Variants in PREX2 observed in about 807,000 individuals in gnomAD.
PREX2 encodes phosphatidylinositol-3,4,5-trisphosphate dependent Rac exchange factor 2.
A neutral mutation model predicts 203.2 loss-of-function variants in PREX2; 107 were observed. The ratio of observed to expected loss-of-function variants is 0.53; its 90% CI spans 0.45 to 0.62. PREX2 has a LOEUF of 0.62. Ranked by LOEUF, PREX2 falls within the 20% of genes least tolerant of loss-of-function variation. The probability of loss-of-function intolerance (pLI) is 0.00; values close to 1 mark genes in which losing one functional copy is unlikely to be tolerated. For synonymous variants in PREX2, 672 were observed against 663.6 expected, an observed-to-expected ratio of 1.01 and a Z score of -0.19; for missense variants, 1,777 against 1,955.9, an observed-to-expected ratio of 0.91 and a Z score of 1.72.
At chr8:68,088,014 A>G (rs1809753354) in intron 19 of PREX2, among the ~76,000 whole-genome samples, 1 of 152,200 alleles carries the variant, frequency 6.6e-6, no homozygotes, top group African/African-American at 2.4e-5. Context: ...TAAAAAATTG[A>G]TATAAGAATT....
chr8:68,022,182 GCTAGAT>G (rs746605486), intron 4 of PREX2, 42 bp downstream of exon 4: 1 of 984,920 alleles, frequency 1.0e-6, no homozygotes, highest in South Asian at 1.3e-5. Flanking sequence ...GATATGTGTT[GCTAGAT>G]CCAGTGAGAG....
chr8:68,074,874 T>C (rs1380174522), intron 14 of PREX2, among the ~76,000 whole-genome samples: 1 of 152,176 alleles, frequency 6.6e-6, no homozygotes, highest in African/African-American at 2.4e-5. Context: ...TGCAATATAT[T>C]GTGCGATGTC....
chr8:68,066,860 A>G (rs1474658803), intron 11 of PREX2, among the ~76,000 whole-genome samples: 1 of 152,120 alleles, frequency 6.6e-6, no homozygotes, highest in South Asian at 2.1e-4. Flanking sequence ...TTATAGTGTT[A>G]CATCATATGT....
chr8:68,012,006 G>A (rs372910650), intron 1 of PREX2, among the ~76,000 whole-genome samples: 35 of 152,166 alleles, frequency 2.3e-4, no homozygotes, highest in African/African-American at 8.4e-4. Context: ...TTGTAATTCT[G>A]TCAATAATGG....
chr8:68,113,042 G>A (rs955335771), intron 25 of PREX2, among the ~76,000 whole-genome samples: 4 of 152,156 alleles, frequency 2.6e-5, no homozygotes, highest in Non-Finnish European at 5.9e-5. Flanking sequence ...TTAATTAATG[G>A]ACCTCTAGTA....
At chr8:68,070,008 T>G (rs1809151103) in intron 13 of PREX2, 124 bp downstream of exon 13, 1 of 480,152 alleles carries the variant, frequency 2.1e-6, no homozygotes, top group Non-Finnish European at 3.7e-6. Flanking sequence ...TTTAAAATAT[T>G]ATTTTAAGGA....
rs756516271 is a variant in PREX2 at position 68,022,098 on chromosome 8, T to C, written c.399T>C (p.Leu133=). The change falls in exon 4 of 40, where the codon CTT becomes CTC. Residue 133 remains leucine, a synonymous_variant. Transcript: ENST00000288368. Reference sequence around the variant, plus strand: ...ACCATGAGAAGGCACAAAAATTACTTCTTGAACTCAACAAAATAAGAACAA... The same window carrying C: ...ACCATGAGAAGGCACAAAAATTACTCCTTGAACTCAACAAAATAAGAACAA... ...CSNHEKAQKL[L]LELNKIRTIR... 1.9e-6 allele frequency: 3 copies of C among 1,577,196 alleles called. No individual in the cohort carries two copies. Among genetic ancestry groups the C allele is most frequent in the Admixed American group, 1.7e-5 (1 of 59,962 alleles).
chr8:68,180,357 G>T (rs1292856301), intron 35 of PREX2, among the ~76,000 whole-genome samples: 1 of 151,956 alleles, frequency 6.6e-6, no homozygotes, highest in Non-Finnish European at 1.5e-5. Flanking sequence ...CACACCATTG[G>T]TTCTTTACAG....
At chr8:68,053,965 T>C (rs1018691724) in intron 9 of PREX2, among the ~76,000 whole-genome samples, 2 of 152,224 alleles carry the variant, frequency 1.3e-5, no homozygotes, top group African/African-American at 4.8e-5. Flanking sequence ...GAAATGCTTG[T>C]ATTTCTACTA....
At chr8:68,154,017 C>T (rs1033176686) in intron 34 of PREX2, among the ~76,000 whole-genome samples, 1 of 152,190 alleles carries the variant, frequency 6.6e-6, no homozygotes, top group African/African-American at 2.4e-5. Flanking sequence ...GCCATTCTGG[C>T]CAAAGTTGAA....
chr8:68,176,301 A>C (rs1012349892), intron 35 of PREX2, among the ~76,000 whole-genome samples: 4 of 152,202 alleles, frequency 2.6e-5, no homozygotes, highest in African/African-American at 9.6e-5. Context: ...AGGTATGAAA[A>C]AATATAGAAA....
Position 68,234,691 on chromosome 8 carries a change from A to G in PREX2, c.*3313A>G, listed in dbSNP as rs985198067. 2 of 152,120 alleles carry G rather than the reference A, an allele frequency of 1.3e-5. No individual in the cohort carries two copies. The highest frequency in any genetic ancestry group is 2.4e-5 in the African/African-American group (1 of 41,438). 9.4% of individuals were successfully genotyped at this position (152,120 alleles called of 1,614,324 possible). A position where few individuals can be genotyped will look rare whatever the true frequency, so the allele number is the denominator to read the frequency against. On this transcript the variant is annotated 3_prime_UTR_variant, in exon 40 of 40. Transcript: ENST00000288368. ...ATAAGCTTTATTTTATCAGTTCGCAAATCTGAAGTCTCATACTGTTTTCTG... is the reference window on the plus strand; with the variant it reads ...ATAAGCTTTATTTTATCAGTTCGCAGATCTGAAGTCTCATACTGTTTTCTG...
chr8:68,218,232 A>C (rs1265672437), intron 38 of PREX2, among the ~76,000 whole-genome samples: 1 of 152,110 alleles, frequency 6.6e-6, no homozygotes, highest in African/African-American at 2.4e-5. Flanking sequence ...CAGTCTTTGG[A>C]CTGTCTTCGG....
chr8:67,997,905 G>T (rs964168762), intron 1 of PREX2, among the ~76,000 whole-genome samples: 1 of 152,018 alleles, frequency 6.6e-6, no homozygotes, highest in Admixed American at 6.6e-5. Flanking sequence ...TCTCCATTTA[G>T]ATGCTATTAT....
At chr8:68,039,443 G>C (rs192618722) in intron 7 of PREX2, among the ~76,000 whole-genome samples, 5 of 152,220 alleles carry the variant, frequency 3.3e-5, no homozygotes, top group African/African-American at 7.2e-5. Flanking sequence ...GTGCTGTGGG[G>C]CTCTGCATTT....
intron 35 of PREX2, among the ~76,000 whole-genome samples, chr8:68,175,179 G>A (rs888551167): frequency 2.6e-5 from 4 of 152,160 alleles, no homozygotes; most frequent in Middle Eastern, 3.2e-3. Flanking sequence ...GATGACTACC[G>A]GTGGGCCAGG....
chr8:68,097,686 T>C (rs567174720), intron 22 of PREX2, among the ~76,000 whole-genome samples: 1 of 152,336 alleles, frequency 6.6e-6, no homozygotes, highest in Non-Finnish European at 1.5e-5. Context: ...AACTTCCTTT[T>C]ATTGATCCTT....
chr8:68,103,263 G>T (rs1810315122), intron 23 of PREX2, among the ~76,000 whole-genome samples: 1 of 152,018 alleles, frequency 6.6e-6, no homozygotes, highest in Admixed American at 6.6e-5. Flanking sequence ...CCTCAAAAGG[G>T]TACAATACAA....
intron 35 of PREX2, among the ~76,000 whole-genome samples, chr8:68,178,239 C>T (rs899206986): frequency 6.6e-6 from 1 of 152,186 alleles, no homozygotes; most frequent in African/African-American, 2.4e-5. Flanking sequence ...TACACTCTCA[C>T]CAACAGTGTA....
Sources: allele counts gnomAD v4.1 joint callset (sites outside exome capture counted in the v4.1 genomes callset), GRCh38; gene constraint gnomAD v4.1.1; transcripts MANE v1.5; gene names NCBI Gene and HGNC (gene_info 2026-07-23, HGNC 2026-07-21).